The following FLII variants were observed in gnomAD, a reference collection of about 807,000 sequenced individuals.
The protein encoded by FLII is FLII actin remodeling protein.
Under a neutral mutation model 156.2 loss-of-function variants are expected in FLII, and 101 were observed. The observed-to-expected ratio is 0.65, with a 90% confidence interval of 0.55 to 0.76. FLII has a LOEUF of 0.76. FLII is among the 30% of genes least tolerant of loss of function. FLII has a pLI of 0.00. For missense variants in FLII, 1,675 were observed against 1,682.8 expected (o/e 1.00, Z 0.08); for synonymous variants, 767 against 685.8 (o/e 1.12, Z -1.85).
At position 18,249,428 on chromosome 17, in the gene FLII, GTTC is replaced by G. The variant is rs754598904; in HGVS notation, c.1777-23_1777-21del. ...AAACACCTGTGTGTGTGAGGGTGTG[GTTC>G]TTCATCACTGAGCTGCCCCCTCCCC... On this transcript the variant is annotated intron_variant, in intron 14 of 29. Coordinates refer to ENST00000327031, the MANE Select transcript of FLII (RefSeq NM_002018.4). 1.7e-5 allele frequency: 27 copies of G among 1,605,718 alleles called. No homozygotes were observed. The highest frequency in any genetic ancestry group is 2.2e-5 in the East Asian group (1 of 44,862).
Position 18,245,131 on chromosome 17 carries a change from G to C in FLII, c.*7C>G, listed in dbSNP as rs1231043790. 3 of 1,608,262 alleles carry C rather than the reference G, an allele frequency of 1.9e-6. No homozygotes were observed. The highest frequency in any genetic ancestry group is 2.6e-6 in the Non-Finnish European group (3 of 1,176,136). On this transcript the variant is annotated 3_prime_UTR_variant, in exon 30 of 30. Coordinates refer to ENST00000327031, the MANE Select transcript of FLII (RefSeq NM_002018.4). ...CCTCACCAAGCCTGGGGCTGTGCCA[G>C]CCTGTCTTAGGCCAGGGCCTTGCAG...
At position 18,253,425 on chromosome 17, in the gene FLII, G is replaced by C; in HGVS notation, c.889C>G (p.Leu297Val). 1 of 1,613,936 alleles carries C rather than the reference G, an allele frequency of 6.2e-7. No individual in the cohort carries two copies. Among genetic ancestry groups the C allele is most frequent in the Non-Finnish European group, 8.5e-7 (1 of 1,180,048 alleles). ...TCCAGCTTGTTGGAATTCAGGTACA[G>C]CTTCTTCAGCTTGCTCAGCTTGCAA... Reference protein sequence around the residue: ...AICKLSKLKKLYLNSNKLDFD... With the variant: ...AICKLSKLKKVYLNSNKLDFD... Residue 297 changes from leucine to valine, a missense_variant, in exon 9 of 30, where the codon CTG (leucine) becomes GTG (valine). Around this residue, in one of 2 missense-constraint regions of FLII, gnomAD observed 343 missense variants for 413.5 expected, o/e 0.83. Coordinates refer to ENST00000327031, the MANE Select transcript of FLII (RefSeq NM_002018.4).
In FLII at chr17:18,249,212, G is replaced by T; in HGVS notation, c.1860-11C>A. 1.2e-6 allele frequency: 2 copies of T among 1,614,080 alleles called. No homozygotes were observed. The highest frequency in any genetic ancestry group is 1.7e-6 in the Non-Finnish European group (2 of 1,179,986). ...TACACACGATACATCCTGGGCGCAG[G>T]GCAAGAGTGGCTCAGTGTAGGCACC... On this transcript the variant is annotated splice_polypyrimidine_tract_variant and intron_variant, in intron 15 of 29. Transcript: ENST00000327031.
Position 18,247,056 on chromosome 17 carries a change from C to T in FLII, c.2677-4G>A, listed in dbSNP as rs773930194. 1.2e-6 allele frequency: 2 copies of T among 1,612,338 alleles called. No homozygotes were observed. The highest frequency in any genetic ancestry group is 1.7e-5 in the Admixed American group (1 of 59,998). ...ACTCCTCCATCAGCTGCTCCGCCTG[C>T]AGGTGAGAGGGACCCGCCCCGCGGC... On this transcript the variant is annotated splice_polypyrimidine_tract_variant and splice_region_variant and intron_variant, in intron 21 of 29. Coordinates refer to ENST00000327031, the MANE Select transcript of FLII (RefSeq NM_002018.4).
intron 2 of FLII, 154 bp downstream of exon 2, chr17:18,256,755 C>T (rs2048430536): frequency 3.8e-6 from 3 of 793,124 alleles, no homozygotes; most frequent in South Asian, 3.2e-5. Context: ...TCTTCTTGCA[C>T]ACCTCCCTGG....
In FLII at chr17:18,247,232, G is replaced by C. The variant is rs374278447; in HGVS notation, c.2613C>G (p.Asp871Glu). Residue 871 changes from aspartate (D) to glutamate (E), a missense_variant, in exon 21 of 30, where the codon GAC becomes GAG. Coordinates refer to ENST00000327031, the MANE Select transcript of FLII (RefSeq NM_002018.4). ...GKVKRDAEKK[D>E]QMKADLTALF... ...GCGCAGTGAGGTCAGCCTTCATCTG[G>C]TCTTTCTTCTCGGCGTCGCGTTTCA... The C allele has an allele frequency of 1.6e-5, 26 of 1,603,250 alleles. No individual in the cohort carries two copies. The African/African-American group carries it at 2.6e-4, about 16-fold the overall frequency.
rs568478595 is a variant in FLII, at chr17:18,247,137, C to T, written c.2676+32G>A. The T allele has an allele frequency of 6.5e-5, 74 of 1,141,882 alleles. 1 individual carries two copies. The highest frequency in any genetic ancestry group is 5.8e-4 in the South Asian group (38 of 65,020). 70.7% of individuals were successfully genotyped at this position (1,141,882 alleles called of 1,614,324 possible). A position where few individuals can be genotyped will look rare whatever the true frequency, so the allele number is the denominator to read the frequency against. On this transcript the variant is annotated intron_variant, in intron 21 of 29. Transcript: ENST00000327031. ...GCCCTCGGCCTGCCCCCCACCCCCC[C>T]CCCCGCGCCCCGGTCCCGGCCCTGC... is the stretch of plus-strand genomic sequence containing the variant.
At position 18,247,212 on chromosome 17, in the gene FLII, G is replaced by A. The variant is rs746763997; in HGVS notation, c.2633C>T (p.Thr878Ile). The A allele has an allele frequency of 2.1e-5, 34 of 1,591,510 alleles. No individual in the cohort carries two copies. In the South Asian group the frequency reaches 2.3e-4, roughly 11 times the overall value. ...CGGCTGCCGCGGCAGGAAAAGCGCA[G>A]TGAGGTCAGCCTTCATCTGGTCTTT... ...EKKDQMKADLTALFLPRQPPM... is the reference protein window; with the variant it reads ...EKKDQMKADLIALFLPRQPPM... Residue 878 changes from threonine (T) to isoleucine (I), a missense_variant, in exon 21 of 30, where the codon ACT (threonine) becomes ATT (isoleucine). This residue lies in a region of FLII where 1,332 missense variants were observed against 1,269.3 expected (regional missense o/e 1.05). Transcript: ENST00000327031.
At chr17:18,252,638 G>A in intron 9 of FLII, 82 bp from the exon 10 acceptor site, 1 of 1,121,246 alleles carries the variant, frequency 8.9e-7, no homozygotes, top group Non-Finnish European at 1.4e-6. Flanking sequence ...TCCTGGGGAG[G>A]GGAGGCAGGT....
At position 18,256,948 on chromosome 17, in the gene FLII, G is replaced by T. The variant is rs143472875; in HGVS notation, c.135C>A (p.Leu45=). ...CGGCCAGCTCCTCGGGCAGGTAGCA[G>T]AGGCCAGTGCGGTTCAGCTTCAGCC... The part of the protein sequence containing the change: ...LRWLKLNRTG[L]CYLPEELAAL... Residue 45 remains leucine, a synonymous_variant, in exon 2 of 30, where the codon CTC becomes CTA. Coordinates refer to ENST00000327031, the MANE Select transcript of FLII (RefSeq NM_002018.4). The T allele has an allele frequency of 5.9e-5, 95 of 1,612,158 alleles. No homozygotes were observed. The African/African-American group carries it at 1.2e-3, about 21-fold the overall frequency.
rs753628708 is a variant in FLII, at chr17:18,250,962, C to T, written c.1652G>A (p.Gly551Glu). 5.6e-6 allele frequency: 9 copies of T among 1,613,846 alleles called. No homozygotes were observed. The highest frequency in any genetic ancestry group is 3.3e-5 in the Admixed American group (2 of 59,998). ...AGCTTTCTTGTCGAGTGTGGCCTCCCCGCCAATCCAGTAGTAGATCTCCCA... is the reference window on the plus strand; with the variant it reads ...AGCTTTCTTGTCGAGTGTGGCCTCCTCGCCAATCCAGTAGTAGATCTCCCA... ...LNWEIYYWIG[G>E]EATLDKKACS... The change falls in exon 14 of 30, where the codon GGG becomes GAG. Residue 551 changes from glycine (G) to glutamate (E), a missense_variant. Transcript: ENST00000327031.
At position 18,245,006 on chromosome 17, in the gene FLII, T is replaced by G; in HGVS notation, c.*132A>C. The G allele has an allele frequency of 4.4e-5, 44 of 996,330 alleles. No homozygotes were observed. Among genetic ancestry groups the G allele is most frequent in the Non-Finnish European group, 6.4e-5 (43 of 669,876 alleles). The allele number at this position is 996,330 out of a possible 1,614,324, so 61.7% of individuals were successfully genotyped here. On this transcript the variant is annotated 3_prime_UTR_variant, in exon 30 of 30. Transcript: ENST00000327031. ...CAGGGTCATCCCCATTGGTGCTGCT[T>G]GAGGCTACTGGGGACTGTGGCACTG...
At position 18,245,054 on chromosome 17, in the gene FLII, T is replaced by TC; in HGVS notation, c.*83dup. 1 of 1,451,994 alleles carries TC rather than the reference T, an allele frequency of 6.9e-7. No homozygotes were observed. Among genetic ancestry groups the TC allele is most frequent in the Non-Finnish European group, 9.4e-7 (1 of 1,063,956 alleles). The allele number at this position is 1,451,994 out of a possible 1,614,324, so 89.9% of individuals were successfully genotyped here. On this transcript the variant is annotated 3_prime_UTR_variant, in exon 30 of 30. Transcript: ENST00000327031. ...CTGGACGTGGCTGGAGCAGGTGGTG[T>TC]CACCTGAGTACATTCTTTGCTAGCA...
rs2048069376 is a variant in FLII at position 18,246,681 on chromosome 17, C to G, written c.2964G>C (p.Gln988His). ...AGCCCATATTGGAGGCTTCACGGCC[C>G]TGCCAGAAGTACACGATGCACTGGA... is the stretch of plus-strand genomic sequence containing the variant. The part of the protein sequence containing the change: ...EDFQCIVYFW[Q>H]GREASNMGWL... The change falls in exon 23 of 30, where the codon CAG (glutamine) becomes CAC (histidine). Residue 988 changes from glutamine (Q) to histidine (H), a missense_variant. Gln to His is a conservative substitution (Grantham distance 24). This residue lies in a region of FLII where 1,332 missense variants were observed against 1,269.3 expected (regional missense o/e 1.05). Coordinates refer to ENST00000327031, the MANE Select transcript of FLII (RefSeq NM_002018.4). 6.2e-7 allele frequency: 1 copy of G among 1,613,726 alleles called. No homozygotes were observed. The highest frequency in any genetic ancestry group is 1.1e-5 in the South Asian group (1 of 90,994).
At position 18,245,161 on chromosome 17, in the gene FLII, C is replaced by T. The variant is rs1371820767; in HGVS notation, c.3787G>A (p.Ala1263Thr). Residue 1263 changes from alanine (A) to threonine (T), a missense_variant, in exon 30 of 30, where the codon GCC becomes ACC. Transcript: ENST00000327031. ...AFTRCFHAWS[A>T]FCKALA ...TCTTAGGCCAGGGCCTTGCAGAAGG[C>T]GCTCCAGGCGTGGAAGCAGCGGGTA... 8.7e-6 allele frequency: 14 copies of T among 1,613,274 alleles called. No homozygotes were observed. The highest frequency in any genetic ancestry group is 2.2e-5 in the East Asian group (1 of 44,870).
chr17:18,258,944 G>A, upstream of FLII: 1 of 246,538 alleles, frequency 4.1e-6, no homozygotes, highest in Non-Finnish European at 7.7e-6. The surrounding 1 kb of genome is among the most constrained non-coding windows in gnomAD (Gnocchi z 4.2). Context: ...CCAGGCTTAA[G>A]TCCCAGCGCC....
At chr17:18,247,120 C>CCGGGGGGGGGGGG in intron 21 of FLII, 49 bp downstream of exon 21, 3 of 1,284,384 alleles carry the variant, frequency 2.3e-6, no homozygotes, top group Non-Finnish European at 3.2e-6. Context: ...CCGCCCTCGG[C>CCGGGGGGGGGGGG]CTGCCCCCCA....
At chr17:18,249,667 G>C (rs2048198882) in intron 14 of FLII, among the ~76,000 whole-genome samples, 1 of 152,112 alleles carries the variant, frequency 6.6e-6, no homozygotes, top group Admixed American at 6.5e-5. Flanking sequence ...GTGCATGCCT[G>C]TAATCCCAGC....
chr17:18,253,011 G>A (rs975868845), intron 9 of FLII, among the ~76,000 whole-genome samples: 4 of 152,196 alleles, frequency 2.6e-5, no homozygotes, highest in East Asian at 3.9e-4. Context: ...AGAGCCGGGC[G>A]TGGTAGCGCA....
Sources: gnomAD v4.1 joint callset for allele counts (sites outside exome capture counted in the v4.1 genomes callset) on GRCh38, gnomAD v4.1.1 for gene constraint, gnomAD v4.1.1 regional missense constraint, Gnocchi (gnomAD v3.1) non-coding constraint, MANE v1.5 for transcripts, NCBI Gene and HGNC (gene_info 2026-07-23, HGNC 2026-07-21) for gene names.